Variants in MEOX2 observed in about 807,000 individuals in gnomAD.
MEOX2 encodes mesenchyme homeobox 2, also known as homeobox protein MOX-2.
A neutral mutation model predicts 27.0 loss-of-function variants in MEOX2; 11 were observed. The observed-to-expected ratio is 0.41, with a 90% CI of 0.26 to 0.68. MEOX2 has a LOEUF of 0.68. Among genes scored for constraint, MEOX2 ranks in the 30% least tolerant of loss-of-function variants. The pLI is 0.33. For missense variants in MEOX2, 436 were observed against 385.4 expected (o/e 1.13, Z -1.10); for synonymous variants, 189 against 155.4 (o/e 1.22, Z -1.61).
rs545808518 is a variant in MEOX2, at chr7:15,686,055, C to A, written c.348G>T (p.Gly116=). The change falls in exon 1 of 3, where the codon GGG becomes GGT. Residue 116 remains glycine (G), a synonymous_variant. Transcript: ENST00000262041. The stretch of plus-strand genomic sequence containing the variant: ...GCGGGCTGCTCCCCAACTCTGGGGG[C>A]CCTCCAGAGTCGGGCTGGAGGCAGA... ...HSLCLQPDSG[G]PPELGSSPPV... is the part of the protein sequence containing the mutation. 2 of 1,602,368 alleles carry A rather than the reference C, an allele frequency of 1.2e-6. No individual in the cohort carries two copies. The highest frequency in any genetic ancestry group is 1.7e-6 in the Non-Finnish European group (2 of 1,177,096).
At chr7:15,628,292 G>A (rs1453762823) in intron 1 of MEOX2, among the ~76,000 whole-genome samples, 1 of 151,962 alleles carries the variant, frequency 6.6e-6, no homozygotes, top group Non-Finnish European at 1.5e-5. Flanking sequence ...ACTAGACAAG[G>A]CACTTTAATG....
At chr7:15,669,985 C>T (rs1415095426) in intron 1 of MEOX2, among the ~76,000 whole-genome samples, 2 of 152,188 alleles carry the variant, frequency 1.3e-5, no homozygotes, top group African/African-American at 4.8e-5. Flanking sequence ...GTCTCCTCCC[C>T]ATTCCTCAAG....
At chr7:15,673,715 A>G (rs1381623495) in intron 1 of MEOX2, among the ~76,000 whole-genome samples, 1 of 152,078 alleles carries the variant, frequency 6.6e-6, no homozygotes, top group African/African-American at 2.4e-5. Flanking sequence ...GTAGACAGAA[A>G]TCCATTAAAA....
At chr7:15,673,597 C>CAAAA (rs35223717) in intron 1 of MEOX2, among the ~76,000 whole-genome samples, 49 of 76,140 alleles carry the variant, frequency 6.4e-4, no homozygotes, top group East Asian at 8.3e-4. Context: ...ACAAGTCTAT[C>CAAAA]AAAAAAAAAA....
At chr7:15,621,636 A>G (rs567608395) in intron 2 of MEOX2, among the ~76,000 whole-genome samples, 1 of 152,360 alleles carries the variant, frequency 6.6e-6, no homozygotes, top group Admixed American at 6.5e-5. Flanking sequence ...TATATGAGTC[A>G]TCATAAAATT....
chr7:15,641,139 A>G (rs764033585), intron 1 of MEOX2, among the ~76,000 whole-genome samples: 3 of 151,946 alleles, frequency 2.0e-5, no homozygotes, highest in Non-Finnish European at 4.4e-5. Context: ...CTATGAATCC[A>G]TTTGGCCCTG....
intron 1 of MEOX2, among the ~76,000 whole-genome samples, chr7:15,659,753 G>A (rs1317472912): frequency 1.9e-5 from 2 of 105,490 alleles, no homozygotes; most frequent in Non-Finnish European, 3.4e-5. Context: ...GAGCGAGACT[G>A]CTCTCAAAAA....
intron 1 of MEOX2, among the ~76,000 whole-genome samples, chr7:15,665,462 A>G (rs533957756): frequency 3.5e-4 from 54 of 152,346 alleles, no homozygotes; most frequent in Non-Finnish European, 6.8e-4. Context: ...TTTTAAGTAC[A>G]ACAGCACTAT....
chr7:15,683,829 T>G (rs989195080), intron 1 of MEOX2, among the ~76,000 whole-genome samples: 1 of 152,192 alleles, frequency 6.6e-6, no homozygotes, highest in African/African-American at 2.4e-5. Context: ...TGACTAATTG[T>G]ACTTTCCACT....
intron 1 of MEOX2, among the ~76,000 whole-genome samples, chr7:15,644,195 T>C (rs1189591110): frequency 6.6e-6 from 1 of 152,062 alleles, no homozygotes; most frequent in Non-Finnish European, 1.5e-5. Context: ...CACATTTTCA[T>C]TGTAGCTGCC....
chr7:15,676,376 A>C (rs1327375527), intron 1 of MEOX2, among the ~76,000 whole-genome samples: 1 of 152,200 alleles, frequency 6.6e-6, no homozygotes, highest in Non-Finnish European at 1.5e-5. Context: ...TGCAACTGGA[A>C]CTGCTAAAAA....
chr7:15,680,378 A>C (rs1004998405), intron 1 of MEOX2: 2 of 151,972 alleles, frequency 1.3e-5, no homozygotes, highest in African/African-American at 4.8e-5. Context: ...AGAAATGGGC[A>C]TCAGATTTAG....
intron 1 of MEOX2, among the ~76,000 whole-genome samples, chr7:15,660,376 C>T (rs1256562328): frequency 6.6e-6 from 1 of 152,040 alleles, no homozygotes; most frequent in African/African-American, 2.4e-5. Context: ...GATGAGTATG[C>T]CTGAAGAATA....
intron 2 of MEOX2, among the ~76,000 whole-genome samples, chr7:15,617,577 A>G (rs899757283): frequency 6.6e-6 from 1 of 152,124 alleles, no homozygotes; most frequent in African/African-American, 2.4e-5. Flanking sequence ...ATATCTGATT[A>G]AGAGAAGGAA....
chr7:15,622,513 T>A (rs995118370), intron 2 of MEOX2, among the ~76,000 whole-genome samples: 1 of 152,142 alleles, frequency 6.6e-6, no homozygotes, highest in African/African-American at 2.4e-5. Flanking sequence ...GATGTAATAT[T>A]CCTTGGTGTA....
chr7:15,617,901 A>T (rs1391108562), intron 2 of MEOX2, among the ~76,000 whole-genome samples: 1 of 152,088 alleles, frequency 6.6e-6, no homozygotes, highest in Non-Finnish European at 1.5e-5. Flanking sequence ...TTTTAAAACA[A>T]AATGAATACA....
intron 1 of MEOX2, among the ~76,000 whole-genome samples, chr7:15,667,528 G>A (rs1782028965): frequency 6.6e-6 from 1 of 152,020 alleles, no homozygotes; most frequent in Admixed American, 6.6e-5. Context: ...CCAAAGCGTA[G>A]GGCCAAGTCC....
At chr7:15,682,954 A>G (rs550092971) in intron 1 of MEOX2, among the ~76,000 whole-genome samples, 9 of 151,940 alleles carry the variant, frequency 5.9e-5, no homozygotes, top group Admixed American at 1.3e-4. Flanking sequence ...AAATTTGGTT[A>G]TTTTCAATTG....
rs574755420 is a variant in MEOX2 at position 15,626,788 on chromosome 7, C to A, written c.648G>T (p.Arg216Ser). Reference sequence around the variant, plus strand: ...CCAGATTCACTGCTATCTCGTATCGCCTCAGTCTGGTGAGATAATTATGAT... The same window carrying A: ...CCAGATTCACTGCTATCTCGTATCGACTCAGTCTGGTGAGATAATTATGAT... ...FAHHNYLTRL[R>S]RYEIAVNLDL... The change falls in exon 2 of 3, where the codon AGG becomes AGT. Residue 216 changes from arginine (R) to serine (S), a missense_variant. Coordinates refer to ENST00000262041, the MANE Select transcript of MEOX2 (RefSeq NM_005924.5). The A allele has an allele frequency of 6.2e-7, 1 of 1,608,424 alleles. No homozygotes were observed. Among genetic ancestry groups the A allele is most frequent in the South Asian group, 1.1e-5 (1 of 90,708 alleles).
Sources: gnomAD v4.1 joint callset for allele counts (sites outside exome capture counted in the v4.1 genomes callset) on GRCh38, gnomAD v4.1.1 for gene constraint, MANE v1.5 for transcripts, NCBI Gene and HGNC (gene_info 2026-07-23, HGNC 2026-07-21) for gene names.